EPHB2: variants seen among roughly 807,000 people sequenced by gnomAD.
The protein encoded by EPHB2 is EPH receptor B2, also known as ephrin type-B receptor 2.
In EPHB2, 18 loss-of-function variants were observed where a neutral mutation model predicts 96.4. That is an observed-to-expected ratio of 0.19 (90% confidence interval 0.13 to 0.28). The LOEUF (loss-of-function observed/expected upper bound fraction) is 0.28. EPHB2 is among the 10% of genes least tolerant of loss of function. The pLI is 1.00. For missense variants in EPHB2, 989 were observed against 1,355.4 expected (o/e 0.73, Z 4.25); for synonymous variants, 506 against 534.1 (o/e 0.95, Z 0.72).
At chr1:22,854,471 C>T (rs1324363056) in intron 3 of EPHB2, among the ~76,000 whole-genome samples, 1 of 152,158 alleles carries the variant, frequency 6.6e-6, no homozygotes, top group Non-Finnish European at 1.5e-5. Flanking sequence ...GTGATTGCAC[C>T]ACTGCACTGC....
At chr1:22,824,244 G>C (rs1400827193) in intron 3 of EPHB2, among the ~76,000 whole-genome samples, 1 of 150,446 alleles carries the variant, frequency 6.6e-6, no homozygotes, top group East Asian at 1.9e-4. Flanking sequence ...AAGGAAGGAA[G>C]GTCTAACTGA....
intron 3 of EPHB2, among the ~76,000 whole-genome samples, chr1:22,799,081 A>T (rs565573473): frequency 6.6e-6 from 1 of 152,168 alleles, no homozygotes; most frequent in Non-Finnish European, 1.5e-5. Context: ...TGAATAGTGC[A>T]GGAGCAGCTC....
At chr1:22,871,563 G>A (rs1638667525) in intron 5 of EPHB2, among the ~76,000 whole-genome samples, 1 of 152,118 alleles carries the variant, frequency 6.6e-6, no homozygotes, top group African/African-American at 2.4e-5. Context: ...AGCTTTGCTA[G>A]ATGGTTGTGG....
intron 3 of EPHB2, among the ~76,000 whole-genome samples, chr1:22,806,641 C>T (rs1283568594): frequency 1.3e-5 from 2 of 152,244 alleles, no homozygotes; most frequent in Non-Finnish European, 2.9e-5. Context: ...CTATTCCCAC[C>T]CCCGCCAGGC....
intron 6 of EPHB2, among the ~76,000 whole-genome samples, chr1:22,883,601 G>T (rs1639120647): frequency 6.6e-6 from 1 of 152,232 alleles, no homozygotes; most frequent in African/African-American, 2.4e-5. Flanking sequence ...GGCTCTCCCT[G>T]AAGGCTGAGA....
In EPHB2 at chr1:22,913,882, G is replaced by T; in HGVS notation, c.*312G>T. On this transcript the variant is annotated 3_prime_UTR_variant, in exon 16 of 16. Transcript: ENST00000374630. This position sits in a 1 kb window ranked among gnomAD's most constrained non-coding sequence, Gnocchi z 4.1. The stretch of plus-strand genomic sequence containing the variant: ...CTTGCGGGGGATAAAAAAGGGCTTG[G>T]GAGATTCATGCGATGTGTCCAATCG... 6.3e-7 allele frequency: 1 copy of T among 1,584,078 alleles called. No homozygotes were observed. Among genetic ancestry groups the T allele is most frequent in the African/African-American group, 1.4e-5 (1 of 73,558 alleles).
chr1:22,847,038 C>G (rs1645553623), intron 3 of EPHB2, among the ~76,000 whole-genome samples: 1 of 152,234 alleles, frequency 6.6e-6, no homozygotes, highest in African/African-American at 2.4e-5. Context: ...TGCTCCCACA[C>G]TCCCCTCCCA....
intron 1 of EPHB2, among the ~76,000 whole-genome samples, 192 bp downstream of exon 1, chr1:22,711,235 G>A (rs1643130376): frequency 6.8e-6 from 1 of 147,182 alleles, no homozygotes; most frequent in African/African-American, 2.4e-5. Flanking sequence ...GGAGCGGCGG[G>A]CGCTGATTGA....
intron 1 of EPHB2, among the ~76,000 whole-genome samples, chr1:22,765,558 A>AAC (rs1644296726): frequency 1.3e-5 from 2 of 150,876 alleles, no homozygotes; most frequent in African/African-American, 4.9e-5. Flanking sequence ...AAAAAAAAAA[A>AAC]AAAAACATTG....
At chr1:22,751,447 C>T (rs1644061893) in intron 1 of EPHB2, among the ~76,000 whole-genome samples, 1 of 152,212 alleles carries the variant, frequency 6.6e-6, no homozygotes, top group Admixed American at 6.5e-5. Flanking sequence ...CCCAAGTCAG[C>T]ATTTTGGCCA....
rs375613075 is a variant in EPHB2 at position 22,876,500 on chromosome 1, C to T, written c.1304-5859C>T. ...TGGGGTTCACTGAGGGCAGCAGGGC[C>T]CCTGACCACCTGCTCCAGACAAGCA... On this transcript the variant is annotated intron_variant, in intron 5 of 15. Transcript: ENST00000374630. 2.3e-4 allele frequency among the ~76,000 whole-genome samples: 35 copies of T among 152,208 alleles called. 1 individual carries two copies. The South Asian group carries it at 6.8e-3, about 30-fold the overall frequency.
intron 8 of EPHB2, among the ~76,000 whole-genome samples, chr1:22,895,785 A>G (rs1433353465): frequency 6.6e-6 from 1 of 152,268 alleles, no homozygotes; most frequent in Non-Finnish European, 1.5e-5. Flanking sequence ...TGGGATAGGC[A>G]TCGCCCCTGA....
chr1:22,882,552 G>C lies in EPHB2; in HGVS notation c.1428+69G>C, dbSNP rs1639084759. The C allele has an allele frequency of 8.7e-6, 14 of 1,604,172 alleles. No individual in the cohort carries two copies. In the South Asian group the frequency reaches 1.3e-4, roughly 15 times the overall value. ...GGGCCCCTCTCCCAGGCTGAGGCCTGGGAGTTCTGCCCCACCGCAAGATGA... is the reference window on the plus strand; with the variant it reads ...GGGCCCCTCTCCCAGGCTGAGGCCTCGGAGTTCTGCCCCACCGCAAGATGA... On this transcript the variant is annotated intron_variant, in intron 6 of 15. Coordinates refer to ENST00000374630, the MANE Select transcript of EPHB2 (RefSeq NM_017449.5).
chr1:22,739,744 A>G (rs750538351), intron 1 of EPHB2, among the ~76,000 whole-genome samples: 1 of 152,136 alleles, frequency 6.6e-6, no homozygotes, highest in African/African-American at 2.4e-5. Context: ...AGTCAGGGTG[A>G]GGAGAAGCTG....
intron 9 of EPHB2, among the ~76,000 whole-genome samples, chr1:22,899,847 G>A (rs1639691825): frequency 6.6e-6 from 1 of 152,042 alleles, no homozygotes; most frequent in Non-Finnish European, 1.5e-5. Flanking sequence ...GTAAAAATTA[G>A]CCAGGCATGG....
chr1:22,854,636 A>T (rs147367448), intron 3 of EPHB2, among the ~76,000 whole-genome samples: 10 of 152,342 alleles, frequency 6.6e-5, no homozygotes, highest in South Asian at 2.1e-4. Context: ...CTAAAATGGG[A>T]ATAACACCTC....
chr1:22,919,220 C>T lies in EPHB2; in HGVS notation c.*5650C>T, dbSNP rs1211677919. The stretch of plus-strand genomic sequence containing the variant: ...CTGCAGAGAGAGGGTCTGCTGTAGA[C>T]AGGGATTAAGAAAAAGCAGGACATT... On this transcript the variant is annotated 3_prime_UTR_variant, in exon 16 of 16. Transcript: ENST00000374630. 1 of 152,210 alleles carries T rather than the reference C, an allele frequency of 6.6e-6. No individual in the cohort carries two copies. The highest frequency in any genetic ancestry group is 6.5e-5 in the Admixed American group (1 of 15,272). The allele number at this position is 152,210 out of a possible 1,614,324, so 9.4% of individuals were successfully genotyped here. A position where few individuals can be genotyped will look rare whatever the true frequency, so the allele number is the denominator to read the frequency against.
intron 3 of EPHB2, among the ~76,000 whole-genome samples, chr1:22,809,771 C>T (rs1396626567): frequency 6.6e-6 from 1 of 152,136 alleles, no homozygotes; most frequent in Admixed American, 6.5e-5. Flanking sequence ...ACCAAGACTG[C>T]GCGAGGAGCA....
At chr1:22,847,984 G>A (rs770023228) in intron 3 of EPHB2, among the ~76,000 whole-genome samples, 3 of 152,098 alleles carry the variant, frequency 2.0e-5, no homozygotes, top group African/African-American at 4.8e-5. Flanking sequence ...CCTGCTAGAC[G>A]GTGAGCCTCA....
Sources: gnomAD v4.1 joint callset for allele counts (sites outside exome capture counted in the v4.1 genomes callset) on GRCh38, gnomAD v4.1.1 for gene constraint, Gnocchi (gnomAD v3.1) non-coding constraint, MANE v1.5 for transcripts, NCBI Gene and HGNC (gene_info 2026-07-23, HGNC 2026-07-21) for gene names.